CNTNAP2: variants seen among roughly 807,000 people sequenced by gnomAD.
CNTNAP2 encodes the protein contactin associated protein 2, also known as contactin-associated protein-like 2.
A neutral mutation model predicts 155.2 loss-of-function variants in CNTNAP2; 98 were observed. The ratio of observed to expected loss-of-function variants is 0.63; its 90% CI spans 0.54 to 0.75. CNTNAP2 has a LOEUF of 0.75. Ranked by LOEUF, CNTNAP2 falls within the 30% of genes least tolerant of loss-of-function variation. CNTNAP2 has a pLI of 0.00. For missense variants in CNTNAP2, 1,727 were observed against 1,688.1 expected (o/e 1.02, Z -0.40); for synonymous variants, 651 against 631.2 (o/e 1.03, Z -0.47).
At chr7:147,006,896 AG>A (rs1246354734) in intron 3 of CNTNAP2, among the ~76,000 whole-genome samples, 14 of 152,084 alleles carry the variant, frequency 9.2e-5, no homozygotes. Flanking sequence ...GTTTATTTAA[AG>A]GAAAAAGTAC....
chr7:146,163,491 ATCTATATC>A (rs1192771227), intron 1 of CNTNAP2, among the ~76,000 whole-genome samples: 1 of 130,458 alleles, frequency 7.7e-6, no homozygotes, highest in Non-Finnish European at 1.6e-5. Flanking sequence ...ATCTATCTAT[ATCTATATC>A]TATATATCTA....
intron 1 of CNTNAP2, among the ~76,000 whole-genome samples, chr7:146,739,137 T>G (rs1474657310): frequency 1.3e-5 from 2 of 152,046 alleles, no homozygotes; most frequent in African/African-American, 4.8e-5. Flanking sequence ...TTTTATTGAT[T>G]TCTGCCCTGG....
At chr7:147,652,723 A>AG (rs1345967627) in intron 13 of CNTNAP2, among the ~76,000 whole-genome samples, 7 of 152,086 alleles carry the variant, frequency 4.6e-5, no homozygotes, top group South Asian at 4.1e-4. Context: ...AAAGGAAGGA[A>AG]GGGGGGAAGA....
intron 2 of CNTNAP2, among the ~76,000 whole-genome samples, chr7:146,795,489 G>A (rs546145102): frequency 2.6e-5 from 4 of 152,318 alleles, no homozygotes; most frequent in South Asian, 2.1e-4. Flanking sequence ...AAGTGGGATG[G>A]AGAAGTAAAG....
intron 1 of CNTNAP2, among the ~76,000 whole-genome samples, chr7:146,592,989 A>G (rs1411277530): frequency 6.6e-6 from 1 of 151,730 alleles, no homozygotes; most frequent in African/African-American, 2.4e-5. Context: ...TATGTCTGCC[A>G]TACAGGGTCG....
At chr7:146,439,023 A>G (rs1358608270) in intron 1 of CNTNAP2, among the ~76,000 whole-genome samples, 1 of 151,510 alleles carries the variant, frequency 6.6e-6, no homozygotes, top group Admixed American at 6.6e-5. Flanking sequence ...TTTCAAAAAC[A>G]GAAAACAGTG....
intron 13 of CNTNAP2, among the ~76,000 whole-genome samples, chr7:147,682,790 A>G (rs1035981045): frequency 6.6e-6 from 1 of 151,952 alleles, no homozygotes. Context: ...CATTATACAC[A>G]TAGAGATGCC....
At chr7:148,322,413 G>A (rs1209872325) in intron 21 of CNTNAP2, among the ~76,000 whole-genome samples, 2 of 152,110 alleles carry the variant, frequency 1.3e-5, no homozygotes, top group African/African-American at 4.8e-5. Flanking sequence ...GCAGCCATAA[G>A]CTACCAAATT....
chr7:148,331,904 G>T (rs145725897), intron 21 of CNTNAP2, among the ~76,000 whole-genome samples: 3,598 of 152,238 alleles, frequency 0.024, 65 homozygotes, highest in Non-Finnish European at 0.035. Flanking sequence ...GTGTGAGAGG[G>T]CAGGAGGGAG....
chr7:146,661,953 T>G (rs1360109733), intron 1 of CNTNAP2, among the ~76,000 whole-genome samples: 2 of 152,184 alleles, frequency 1.3e-5, no homozygotes, highest in Non-Finnish European at 2.9e-5. Flanking sequence ...CTTTGCATAT[T>G]TGTCAGCAAT....
intron 5 of CNTNAP2, among the ~76,000 whole-genome samples, chr7:147,111,395 G>T (rs1431880211): frequency 2.0e-5 from 3 of 152,062 alleles, no homozygotes; most frequent in South Asian, 4.1e-4. Context: ...GTCAATTTTT[G>T]CTTTTGTTGC....
intron 1 of CNTNAP2, among the ~76,000 whole-genome samples, chr7:146,402,898 T>G (rs1320388192): frequency 6.6e-6 from 1 of 152,118 alleles, no homozygotes; most frequent in African/African-American, 2.4e-5. Context: ...ATAATTATAG[T>G]TTACACTTGC....
At chr7:147,147,299 T>C (rs1018991389) in intron 8 of CNTNAP2, among the ~76,000 whole-genome samples, 2 of 152,162 alleles carry the variant, frequency 1.3e-5, no homozygotes, top group African/African-American at 2.4e-5. Context: ...TTGGGAATTA[T>C]AGGGATTACA....
chr7:147,646,005 A>G (rs1795359959), intron 13 of CNTNAP2, among the ~76,000 whole-genome samples: 1 of 152,176 alleles, frequency 6.6e-6, no homozygotes, highest in South Asian at 2.1e-4. Context: ...TCAAGTAGGG[A>G]AGTTCTGGCT....
At chr7:147,347,009 T>C (rs1795874810) in intron 9 of CNTNAP2, among the ~76,000 whole-genome samples, 2 of 152,114 alleles carry the variant, frequency 1.3e-5, no homozygotes, top group Admixed American at 1.3e-4. Flanking sequence ...TCATTGAGGA[T>C]ATAAAAATGA....
intron 1 of CNTNAP2, among the ~76,000 whole-genome samples, chr7:146,175,369 G>A (rs969743073): frequency 8.5e-5 from 13 of 152,164 alleles, no homozygotes; most frequent in African/African-American, 3.1e-4. Flanking sequence ...AGGAAGTGAA[G>A]GATGAAAGCT....
intron 8 of CNTNAP2, among the ~76,000 whole-genome samples, chr7:147,174,305 T>C (rs536686022): frequency 5.3e-5 from 8 of 152,328 alleles, no homozygotes; most frequent in Non-Finnish European, 1.2e-4. Flanking sequence ...TTTAATAAAA[T>C]GAATGAATTA....
At position 146,603,411 on chromosome 7, in the gene CNTNAP2, CA is replaced by C. The variant is rs564677956; in HGVS notation, c.98-170848del. 3.7e-3 allele frequency among the ~76,000 whole-genome samples: 477 copies of C among 130,324 alleles called. 3 individuals carry two copies. The highest frequency in any genetic ancestry group is 7.9e-3 in the Middle Eastern group (2 of 252). The allele number at this position is 130,324 out of a possible 152,430, so 85.5% of individuals were successfully genotyped here. On this transcript the variant is annotated intron_variant, in intron 1 of 23. Coordinates refer to ENST00000361727, the MANE Select transcript of CNTNAP2 (RefSeq NM_014141.6). ...TGGGGGACAGAGTGAGACTCTGTCT[CA>C]AAAAAAAAAAAGATACAAACAAATG... is the stretch of plus-strand genomic sequence containing the variant.
chr7:147,977,963 T>G lies in CNTNAP2; in HGVS notation c.2357T>G (p.Val786Gly). The G allele has an allele frequency of 6.2e-7, 1 of 1,614,114 alleles. No individual in the cohort carries two copies. ...CAAGGCTCAGAAGCCAAATTGAGCGTAGGTCCTCTGCGCTGCCAAGGAGAC... is the reference window on the plus strand; with the variant it reads ...CAAGGCTCAGAAGCCAAATTGAGCGGAGGTCCTCTGCGCTGCCAAGGAGAC... The part of the protein sequence containing the change: ...DRQGSEAKLS[V>G]GPLRCQGDRN... Residue 786 changes from valine (V) to glycine (G), a missense_variant, in exon 15 of 24, where the codon GTA becomes GGA. Transcript: ENST00000361727.
Sources: gnomAD v4.1 joint callset for allele counts (sites outside exome capture counted in the v4.1 genomes callset) on GRCh38, gnomAD v4.1.1 for gene constraint, MANE v1.5 for transcripts, NCBI Gene and HGNC (gene_info 2026-07-23, HGNC 2026-07-21) for gene names.